Variants in PRKCH observed in about 807,000 individuals in gnomAD.
PRKCH encodes the protein protein kinase C eta, also known as protein kinase C eta type.
In PRKCH, 28 loss-of-function variants were observed where a neutral mutation model predicts 82.5. That is an observed-to-expected ratio of 0.34 (90% CI 0.25 to 0.47). The LOEUF (loss-of-function observed/expected upper bound fraction) is 0.47. Among genes scored for constraint, PRKCH ranks in the 20% least tolerant of loss-of-function variants. PRKCH has a pLI of 1.00. For synonymous variants in PRKCH, 322 were observed against 327.4 expected (o/e 0.98, Z 0.18); for missense variants, 705 against 881.8 (o/e 0.80, Z 2.54).
At chr14:61,282,250 T>C (rs943915758) in intron 1 of PRKCH, among the ~76,000 whole-genome samples, 2 of 149,522 alleles carry the variant, frequency 1.3e-5, no homozygotes, top group African/African-American at 5.0e-5. Flanking sequence ...ATTAGCTCCC[T>C]ATGTTGCCTG....
chr14:61,278,675 C>T (rs2045225773), intron 1 of PRKCH: 1 of 152,036 alleles, frequency 6.6e-6, no homozygotes, highest in African/African-American at 2.4e-5. Flanking sequence ...GATGATATCA[C>T]AAAGGGTTTT....
At chr14:61,453,063 C>A (rs1884586077) in intron 6 of PRKCH, among the ~76,000 whole-genome samples, 163 bp from the exon 7 acceptor site, 3 of 152,214 alleles carry the variant, frequency 2.0e-5, no homozygotes, top group Admixed American at 2.0e-4. Flanking sequence ...GATAAAATGT[C>A]AGGAACTATT....
At position 61,365,433 on chromosome 14, in the gene PRKCH, T is replaced by C. The variant is rs17098280; in HGVS notation, c.364-25792T>C. Among the ~76,000 whole-genome samples the C allele has an allele frequency of 8.6e-3, 1,310 of 152,250 alleles. 33 individuals carry two copies. The highest frequency in any genetic ancestry group is 0.065 in the South Asian group (313 of 4,822). On this transcript the variant is annotated intron_variant, in intron 1 of 13. Transcript: ENST00000332981. The stretch of plus-strand genomic sequence containing the variant: ...GCTATTCAGTTTAGTTTAGTGGCTC[T>C]GGGTAATCTATTTAAAGTCCATTTT...
rs200145873 is a variant in PRKCH at position 61,290,299 on chromosome 14, GA to G, written c.-19+102643del. 5.9e-3 allele frequency among the ~76,000 whole-genome samples: 828 copies of G among 140,122 alleles called. 9 individuals are homozygous for G. Among genetic ancestry groups the G allele is most frequent in the Non-Finnish European group, 8.0e-3 (505 of 63,412 alleles). The allele number at this position is 140,122 out of a possible 152,430, so 91.9% of individuals were successfully genotyped here. A position where few individuals can be genotyped will look rare whatever the true frequency, so the allele number is the denominator to read the frequency against. ...AGAGAGAGACTCCATCTCAAAAAAA[GA>G]AAAAAAAAAAAGTAAGAATAATGTT... On this transcript the variant is annotated intron_variant, in intron 1 of 3. Transcript: ENST00000555185.
At chr14:61,320,054 C>T (rs891118779), upstream of PRKCH, among the ~76,000 whole-genome samples, 1 of 152,058 alleles carries the variant, frequency 6.6e-6, no homozygotes, top group Non-Finnish European at 1.5e-5. Flanking sequence ...GGGCCAGGCA[C>T]GGGGGCTCAT....
chr14:61,222,726 C>T (rs1472691490), intron 1 of PRKCH, among the ~76,000 whole-genome samples: 4 of 152,124 alleles, frequency 2.6e-5, no homozygotes, highest in Admixed American at 1.3e-4. Context: ...ACTGTTAGTT[C>T]GACAATGGAT....
intron 1 of PRKCH, among the ~76,000 whole-genome samples, chr14:61,375,077 G>C (rs1594636589): frequency 6.6e-6 from 1 of 151,974 alleles, no homozygotes. Context: ...TGCTTTGCTG[G>C]TGAGGAATTT....
At chr14:61,365,228 A>G (rs1234990612) in intron 1 of PRKCH, among the ~76,000 whole-genome samples, 1 of 152,116 alleles carries the variant, frequency 6.6e-6, no homozygotes, top group African/African-American at 2.4e-5. Flanking sequence ...TTTGAGCCAT[A>G]TGCAGGGGCA....
intron 1 of PRKCH, among the ~76,000 whole-genome samples, chr14:61,345,209 A>G (rs2045976569): frequency 6.6e-6 from 1 of 152,180 alleles, no homozygotes; most frequent in Non-Finnish European, 1.5e-5. Flanking sequence ...TCTTACCAGG[A>G]TCTTCTGTCA....
At chr14:61,327,720 A>T (rs2045716827) in intron 1 of PRKCH, among the ~76,000 whole-genome samples, 1 of 152,336 alleles carries the variant, frequency 6.6e-6, no homozygotes, top group South Asian at 2.1e-4. Context: ...ATGGCTTGAG[A>T]GCAGGGACCC....
At position 61,453,183 on chromosome 14, in the gene PRKCH, G is replaced by A. The variant is rs77568189; in HGVS notation, c.833-43G>A. On this transcript the variant is annotated intron_variant, in intron 6 of 13. Coordinates refer to ENST00000332981, the MANE Select transcript of PRKCH (RefSeq NM_006255.5). ...TCTCTGTTGCAGCACATGTTGAATT[G>A]GTTCCTTTCTGAACATGGATTCTGT... 1.2e-5 allele frequency: 19 copies of A among 1,612,284 alleles called. No homozygotes were observed. The East Asian group carries it at 4.0e-4, about 34-fold the overall frequency.
intron 2 of PRKCH, among the ~76,000 whole-genome samples, chr14:61,418,997 T>C (rs957178413): frequency 3.3e-5 from 5 of 152,130 alleles, no homozygotes; most frequent in Non-Finnish European, 7.4e-5. Context: ...CCTTCTTGGG[T>C]TGAAGTTATT....
chr14:61,414,098 T>C (rs1243390530), intron 2 of PRKCH, among the ~76,000 whole-genome samples: 2 of 152,090 alleles, frequency 1.3e-5, no homozygotes, highest in Non-Finnish European at 2.9e-5. Context: ...GGGGGATCCA[T>C]CTTCAGCCCG....
chr14:61,473,390 A>G (rs936696394), intron 9 of PRKCH, among the ~76,000 whole-genome samples: 3 of 152,206 alleles, frequency 2.0e-5, no homozygotes, highest in East Asian at 1.9e-4. Flanking sequence ...TCTGGCTGCT[A>G]TGTACAGAGG....
chr14:61,473,824 C>A (rs969325712), intron 9 of PRKCH, among the ~76,000 whole-genome samples: 5 of 152,062 alleles, frequency 3.3e-5, no homozygotes, highest in African/African-American at 1.2e-4. Context: ...AAAACCCTGT[C>A]TCTACTAAAA....
intron 1 of PRKCH, among the ~76,000 whole-genome samples, chr14:61,297,297 T>A (rs1302114257): frequency 1.3e-5 from 2 of 152,222 alleles, no homozygotes; most frequent in Non-Finnish European, 2.9e-5. Flanking sequence ...CAGAATGTAA[T>A]TCCACAGTCT....
chr14:61,356,838 C>T (rs558749164), intron 1 of PRKCH, among the ~76,000 whole-genome samples: 5 of 152,210 alleles, frequency 3.3e-5, no homozygotes, highest in Admixed American at 6.6e-5. Context: ...CCTACCACCA[C>T]GCCTGGCTAA....
At chr14:61,548,659 A>C (rs1226461489) in intron 13 of PRKCH, among the ~76,000 whole-genome samples, 2 of 151,962 alleles carry the variant, frequency 1.3e-5, no homozygotes, top group African/African-American at 4.8e-5. Flanking sequence ...CAGGAGTTTG[A>C]GACTAGCCTG....
At chr14:61,528,895 G>T in intron 10 of PRKCH, 180 bp from the exon 11 acceptor site, 1 of 490,278 alleles carries the variant, frequency 2.0e-6, no homozygotes. Context: ...TGATCTAAAT[G>T]TGTCATCCAG....
Sources: allele counts gnomAD v4.1 joint callset (sites outside exome capture counted in the v4.1 genomes callset), GRCh38; gene constraint gnomAD v4.1.1; transcripts MANE v1.5; gene names NCBI Gene and HGNC (gene_info 2026-07-23, HGNC 2026-07-21).